SLC25A24: variants seen among roughly 807,000 people sequenced by gnomAD.
SLC25A24 encodes the protein mitochondrial adenyl nucleotide antiporter SLC25A24.
Under a neutral mutation model 60.7 loss-of-function variants are expected in SLC25A24, and 49 were observed. The observed-to-expected ratio is 0.81, with a 90% CI of 0.64 to 1.02. The LOEUF is 1.02. Among genes scored for constraint, SLC25A24 ranks in the 50% least tolerant of loss-of-function variants. SLC25A24 has a pLI of 0.00. For missense variants in SLC25A24, 564 were observed against 586.3 expected (o/e 0.96, Z 0.39); for synonymous variants, 202 against 200.6 (o/e 1.01, Z -0.06).
intron 6 of SLC25A24, among the ~76,000 whole-genome samples, chr1:108,151,917 A>G (rs1679767442): frequency 6.6e-6 from 1 of 152,148 alleles, no homozygotes; most frequent in Non-Finnish European, 1.5e-5. Flanking sequence ...TCAGTCAGTG[A>G]GTTCTGTTGA....
intron 3 of SLC25A24, among the ~76,000 whole-genome samples, chr1:108,177,149 TG>T (rs796329033): frequency 1.3e-4 from 19 of 151,846 alleles, no homozygotes; most frequent in South Asian, 4.2e-4. Flanking sequence ...TTTTTTGTTT[TG>T]GGGGGTTTTT....
chr1:108,185,399 C>A (rs939813520), intron 2 of SLC25A24, among the ~76,000 whole-genome samples: 2 of 152,132 alleles, frequency 1.3e-5, no homozygotes, highest in African/African-American at 4.8e-5. Flanking sequence ...AAAAAACTAA[C>A]AGATGCAAGA....
intron 8 of SLC25A24, among the ~76,000 whole-genome samples, chr1:108,139,847 G>A (rs1679396867): frequency 6.6e-6 from 1 of 152,016 alleles, no homozygotes; most frequent in African/African-American, 2.4e-5. Flanking sequence ...CCTGACCTCA[G>A]GTGATCCGCC....
At chr1:108,150,713 G>A (rs560584262) in intron 6 of SLC25A24, among the ~76,000 whole-genome samples, 14 of 152,152 alleles carry the variant, frequency 9.2e-5, no homozygotes, top group South Asian at 4.2e-4. Flanking sequence ...TGTAATCAAA[G>A]ACTAATCCTT....
At chr1:108,199,844 T>G in intron 1 of SLC25A24, 112 bp downstream of exon 1, 1 of 821,702 alleles carries the variant, frequency 1.2e-6, no homozygotes, top group Non-Finnish European at 1.9e-6. Flanking sequence ...GCGCCACAGT[T>G]CCTCCTTCCT....
chr1:108,174,776 A>C (rs1647612781), intron 3 of SLC25A24, among the ~76,000 whole-genome samples: 1 of 152,188 alleles, frequency 6.6e-6, no homozygotes, highest in Admixed American at 6.5e-5. Flanking sequence ...CATGAACTGG[A>C]TGTGTGATGT....
At chr1:108,159,509 G>A (rs61797042) in intron 4 of SLC25A24, among the ~76,000 whole-genome samples, 10 of 138,854 alleles carry the variant, frequency 7.2e-5, no homozygotes, top group South Asian at 4.5e-4. Context: ...GGTGTTTCTC[G>A]CAGAGGGGGA....
intron 3 of SLC25A24, among the ~76,000 whole-genome samples, chr1:108,172,466 G>T (rs1184525436): frequency 6.6e-6 from 1 of 152,196 alleles, no homozygotes; most frequent in Admixed American, 6.5e-5. Context: ...TTTTACTCAT[G>T]GCTGAAGAAA....
intron 3 of SLC25A24, among the ~76,000 whole-genome samples, chr1:108,171,136 G>C (rs1224430856): frequency 6.6e-6 from 1 of 151,748 alleles, no homozygotes; most frequent in African/African-American, 2.4e-5. Flanking sequence ...TTATGTTTAT[G>C]TATTTATTTT....
chr1:108,144,719 TG>T (rs1268180552), intron 7 of SLC25A24, among the ~76,000 whole-genome samples: 3 of 152,222 alleles, frequency 2.0e-5, no homozygotes, highest in African/African-American at 7.2e-5. Context: ...CTGAGAATGA[TG>T]GCTTCCAGCT....
intron 3 of SLC25A24, among the ~76,000 whole-genome samples, chr1:108,175,367 T>G (rs981512381): frequency 6.6e-6 from 1 of 152,198 alleles, no homozygotes; most frequent in Non-Finnish European, 1.5e-5. Context: ...ACGTGTTTGC[T>G]TCCCCTTCCA....
At position 108,136,830 on chromosome 1, in the gene SLC25A24, T is replaced by C. The variant is rs1318751157; in HGVS notation, c.1257A>G (p.Leu419=). 1 of 1,612,318 alleles carries C rather than the reference T, an allele frequency of 6.2e-7. No individual in the cohort carries two copies. The highest frequency in any genetic ancestry group is 1.3e-5 in the African/African-American group (1 of 74,826). Reference sequence around the variant, plus strand: ...CCATATTCAGCTGTGGGGAACCTTCTAACATGGCTAAAAAATAAAAAAAGA... The same window carrying C: ...CCATATTCAGCTGTGGGGAACCTTCCAACATGGCTAAAAAATAAAAAAAGA... ...VRTRMQAQAM[L]EGSPQLNMVG... is the part of the protein sequence containing the mutation. Residue 419 remains leucine (L), a synonymous_variant, in exon 10 of 10, where the codon TTA becomes TTG. Transcript: ENST00000565488.
At chr1:108,179,898 T>G (rs1364571664) in intron 3 of SLC25A24, among the ~76,000 whole-genome samples, 1 of 152,170 alleles carries the variant, frequency 6.6e-6, no homozygotes, top group East Asian at 1.9e-4. Context: ...GTATGAGATG[T>G]ATCATGTTAA....
At chr1:108,159,757 T>C (rs1020776970) in intron 4 of SLC25A24, among the ~76,000 whole-genome samples, 9 of 151,720 alleles carry the variant, frequency 5.9e-5, no homozygotes, top group African/African-American at 2.2e-4. Context: ...ACACAGCACA[T>C]GTTTCAGAGA....
chr1:108,171,129 T>C (rs890465484), intron 3 of SLC25A24, among the ~76,000 whole-genome samples: 2 of 152,222 alleles, frequency 1.3e-5, no homozygotes, highest in South Asian at 2.1e-4. Flanking sequence ...TTCAATCTTA[T>C]GTTTATGTAT....
In SLC25A24 at chr1:108,193,337, TC is replaced by T. The variant is rs540568580; in HGVS notation, c.183+6618del. On this transcript the variant is annotated intron_variant, in intron 1 of 9. Coordinates refer to ENST00000565488, the MANE Select transcript of SLC25A24 (RefSeq NM_013386.5). Reference sequence around the variant, plus strand: ...GCTTTCCAGCCCTTGCCCTCCTCCCTCCCTCCCCCCTTTTGGAGTCCCTAGT... The same window carrying T: ...GCTTTCCAGCCCTTGCCCTCCTCCCTCCTCCCCCCTTTTGGAGTCCCTAGT... Among the ~76,000 whole-genome samples the T allele has an allele frequency of 3.9e-4, 53 of 136,576 alleles. 6 individuals are homozygous for T. Among genetic ancestry groups the T allele is most frequent in the African/African-American group, 1.3e-3 (51 of 39,626 alleles). The allele number at this position is 136,576 out of a possible 152,430, so 89.6% of individuals were successfully genotyped here. A position where few individuals can be genotyped will look rare whatever the true frequency, so the allele number is the denominator to read the frequency against.
intron 7 of SLC25A24, among the ~76,000 whole-genome samples, chr1:108,146,950 C>T (rs1457054601): frequency 6.6e-6 from 1 of 152,168 alleles, no homozygotes; most frequent in Non-Finnish European, 1.5e-5. Context: ...AGGGAGGAAT[C>T]TCTCTTTTTC....
intron 1 of SLC25A24, among the ~76,000 whole-genome samples, chr1:108,191,907 T>C (rs1171304650): frequency 7.2e-6 from 1 of 139,248 alleles, no homozygotes; most frequent in Non-Finnish European, 1.6e-5. Context: ...CACAACATGC[T>C]GAGAAGGAGC....
intron 2 of SLC25A24, among the ~76,000 whole-genome samples, chr1:108,182,788 G>A (rs1237241936): frequency 1.3e-5 from 2 of 152,064 alleles, no homozygotes; most frequent in Admixed American, 1.3e-4. Context: ...AGCTGAGATC[G>A]CGCCACTGCA....
Sources: allele counts gnomAD v4.1 joint callset (sites outside exome capture counted in the v4.1 genomes callset), GRCh38; gene constraint gnomAD v4.1.1; transcripts MANE v1.5; gene names NCBI Gene and HGNC (gene_info 2026-07-23, HGNC 2026-07-21).